The following EYS variants were observed in gnomAD, a reference collection of about 807,000 sequenced individuals.
EYS encodes the protein protein eyes shut homolog.
EYS carries 250 observed loss-of-function variants against 282.1 expected under a neutral mutation model. The ratio of observed to expected loss-of-function variants is 0.89; its 90% CI spans 0.80 to 0.98. The LOEUF (loss-of-function observed/expected upper bound fraction) is 0.98. Ranked by LOEUF, EYS falls within the 50% of genes least tolerant of loss-of-function variation. EYS has a pLI of 0.00. For missense variants in EYS, 4,016 were observed against 3,709.0 expected (o/e 1.08, Z -2.15); for synonymous variants, 1,355 against 1,282.9 (o/e 1.06, Z -1.20).
chr6:64,383,294 C>A (rs1007092619), intron 29 of EYS, among the ~76,000 whole-genome samples: 1 of 151,998 alleles, frequency 6.6e-6, no homozygotes, highest in African/African-American at 2.4e-5. Flanking sequence ...AAAGTGAGAA[C>A]CTGTCTCAAA....
At chr6:65,275,499 T>C (rs1054234407) in intron 12 of EYS, among the ~76,000 whole-genome samples, 1 of 152,190 alleles carries the variant, frequency 6.6e-6, no homozygotes, top group African/African-American at 2.4e-5. Context: ...TTGCCACTTC[T>C]GCCACACTGT....
intron 5 of EYS, among the ~76,000 whole-genome samples, chr6:65,438,481 A>C (rs1268546073): frequency 6.6e-6 from 1 of 152,132 alleles, no homozygotes; most frequent in Non-Finnish European, 1.5e-5. Context: ...CAACAGTGTA[A>C]AAGTGTTCCT....
chr6:65,388,974 T>C (rs1765901170), intron 7 of EYS, among the ~76,000 whole-genome samples: 1 of 152,044 alleles, frequency 6.6e-6, no homozygotes, highest in Admixed American at 6.6e-5. Flanking sequence ...ATCTTAAATA[T>C]ACATCCACAA....
chr6:64,977,915 G>C (rs1033314340), intron 14 of EYS, among the ~76,000 whole-genome samples: 1 of 151,874 alleles, frequency 6.6e-6, no homozygotes, highest in Admixed American at 6.6e-5. Context: ...CTGAAGCTAG[G>C]AGAGGTGGGT....
chr6:64,964,928 G>A (rs1231743123), intron 14 of EYS, among the ~76,000 whole-genome samples: 3 of 152,048 alleles, frequency 2.0e-5, no homozygotes, highest in African/African-American at 7.2e-5. Context: ...AGCCACTCAG[G>A]AGGCTAAGGC....
intron 12 of EYS, among the ~76,000 whole-genome samples, chr6:65,163,922 A>G (rs1043933079): frequency 2.6e-5 from 4 of 151,256 alleles, no homozygotes; most frequent in African/African-American, 7.3e-5. Flanking sequence ...TAAGGTATCA[A>G]TTAGCTGGCA....
chr6:65,597,933 T>C (rs1765467023), intron 2 of EYS, among the ~76,000 whole-genome samples: 1 of 151,856 alleles, frequency 6.6e-6, no homozygotes, highest in Non-Finnish European at 1.5e-5. Flanking sequence ...AAACCCTGTC[T>C]CAACTGAAAT....
At chr6:65,161,890 G>A (rs1213890741) in intron 12 of EYS, among the ~76,000 whole-genome samples, 1 of 151,082 alleles carries the variant, frequency 6.6e-6, no homozygotes, top group Non-Finnish European at 1.5e-5. Flanking sequence ...CTAAAATCCA[G>A]ATGGTTTCTG....
At chr6:63,761,573 TATG>T (rs1769643148) in intron 41 of EYS, among the ~76,000 whole-genome samples, 1 of 152,064 alleles carries the variant, frequency 6.6e-6, no homozygotes, top group Non-Finnish European at 1.5e-5. Flanking sequence ...CACATATGAA[TATG>T]ATACTACAAT....
chr6:64,093,563 G>A (rs372100964), intron 31 of EYS, among the ~76,000 whole-genome samples: 6 of 152,082 alleles, frequency 3.9e-5, no homozygotes, highest in Middle Eastern at 3.4e-3. Context: ...TTTGTCTGTT[G>A]TTGGTGTATA....
chr6:64,853,993 G>GA, intron 19 of EYS, among the ~76,000 whole-genome samples: 1 of 152,074 alleles, frequency 6.6e-6, no homozygotes, highest in Admixed American at 6.5e-5. Context: ...ACAGACACAT[G>GA]AAAAAATGCT....
At chr6:64,988,097 C>G (rs1583364416) in intron 14 of EYS, among the ~76,000 whole-genome samples, 2 of 150,924 alleles carry the variant, frequency 1.3e-5, no homozygotes. Context: ...AGCACAGCAG[C>G]TACAGGAAGG....
At chr6:64,355,099 A>T (rs772742690) in intron 29 of EYS, among the ~76,000 whole-genome samples, 1 of 151,608 alleles carries the variant, frequency 6.6e-6, no homozygotes, top group African/African-American at 2.4e-5. Flanking sequence ...TCATGAAATA[A>T]TAAGTTAATG....
chr6:65,253,607 T>C (rs541500490), intron 12 of EYS, among the ~76,000 whole-genome samples: 6 of 152,000 alleles, frequency 3.9e-5, no homozygotes, highest in Non-Finnish European at 7.4e-5. Context: ...ACATCCATCA[T>C]TGAAATTATT....
intron 33 of EYS, among the ~76,000 whole-genome samples, chr6:64,031,020 G>A (rs549226429): frequency 9.2e-5 from 14 of 152,230 alleles, no homozygotes; most frequent in Non-Finnish European, 1.9e-4. Flanking sequence ...GCCCTCACTT[G>A]CTCTTGGCAC....
intron 36 of EYS, among the ~76,000 whole-genome samples, chr6:63,822,905 T>G (rs1213849399): frequency 6.6e-6 from 1 of 152,222 alleles, no homozygotes; most frequent in Non-Finnish European, 1.5e-5. Flanking sequence ...TAAATTTTAG[T>G]ATTTTATTCC....
chr6:64,986,155 T>TTAA (rs1259402858), intron 14 of EYS, among the ~76,000 whole-genome samples: 1 of 151,466 alleles, frequency 6.6e-6, no homozygotes, highest in East Asian at 1.9e-4. Context: ...GAGGTATACC[T>TTAA]TAATTTCCAT....
chr6:65,408,131 G>A (rs1045496879), intron 5 of EYS, among the ~76,000 whole-genome samples: 2 of 151,914 alleles, frequency 1.3e-5, no homozygotes, highest in African/African-American at 4.8e-5. Flanking sequence ...GAATCCTGGG[G>A]AAAAAATCGT....
chr6:63,723,036 C>T (rs1290793389), intron 42 of EYS, among the ~76,000 whole-genome samples: 3 of 152,106 alleles, frequency 2.0e-5, no homozygotes, highest in Admixed American at 6.6e-5. Context: ...GCACCCAAAA[C>T]GGTATCTGGC....
Sources: allele counts gnomAD v4.1 joint callset (sites outside exome capture counted in the v4.1 genomes callset), GRCh38; gene constraint gnomAD v4.1.1; transcripts MANE v1.5; gene names NCBI Gene and HGNC (gene_info 2026-07-23, HGNC 2026-07-21).